Variants in PIK3R5 observed in about 807,000 individuals in gnomAD.
The protein encoded by PIK3R5 is phosphoinositide-3-kinase regulatory subunit 5, also known as phosphoinositide 3-kinase regulatory subunit 5.
Under a neutral mutation model 94.9 loss-of-function variants are expected in PIK3R5, and 32 were observed. That is an observed-to-expected ratio of 0.34 (90% CI 0.25 to 0.45). The LOEUF (loss-of-function observed/expected upper bound fraction) is 0.45, where lower values mean the gene tolerates loss of function less well. Among genes scored for constraint, PIK3R5 ranks in the 20% least tolerant of loss-of-function variants. The pLI is 1.00. For synonymous variants in PIK3R5, 443 were observed against 479.4 expected, an observed-to-expected ratio of 0.92 and a Z score of 0.99; for missense variants, 853 against 1,144.6, an observed-to-expected ratio of 0.75 and a Z score of 3.68.
intron 1 of PIK3R5, among the ~76,000 whole-genome samples, chr17:8,934,469 ATAT>A (rs1216349069): frequency 2.0e-5 from 3 of 152,212 alleles, no homozygotes; most frequent in African/African-American, 7.2e-5. Context: ...CTCAATATTG[ATAT>A]TATGTCAGTT....
chr17:8,908,560 C>CAT (rs2090446599), intron 3 of PIK3R5, among the ~76,000 whole-genome samples: 1 of 151,542 alleles, frequency 6.6e-6, no homozygotes, highest in Non-Finnish European at 1.5e-5. Context: ...CACACACACA[C>CAT]ACACACACAC....
intron 1 of PIK3R5, among the ~76,000 whole-genome samples, chr17:8,952,958 A>G (rs995392797): frequency 6.6e-6 from 1 of 152,196 alleles, no homozygotes; most frequent in Non-Finnish European, 1.5e-5. Flanking sequence ...GCCCCTGGAC[A>G]GGAGCCTTGA....
chr17:8,886,756 C>T lies in PIK3R5; in HGVS notation c.1906-151G>A, dbSNP rs1423216773. ...GTGGAAGCAGGAAGCAGGGGAGGGC[C>T]GGTGCCCAGCCTCCATGCCCCTCAC... On this transcript the variant is annotated intron_variant, in intron 12 of 18. Coordinates refer to ENST00000447110, the MANE Select transcript of PIK3R5 (RefSeq NM_001142633.3). The T allele has an allele frequency of 4.0e-5, 37 of 931,336 alleles. 1 individual carries two copies. The South Asian group carries it at 4.4e-4, about 11-fold the overall frequency. 57.7% of individuals were successfully genotyped at this position (931,336 alleles called of 1,614,324 possible).
chr17:8,919,597 C>T (rs540623678), intron 1 of PIK3R5, among the ~76,000 whole-genome samples: 38 of 152,300 alleles, frequency 2.5e-4, no homozygotes, highest in African/African-American at 9.1e-4. Flanking sequence ...TATTCTGGAA[C>T]ATCTTGATGA....
At chr17:8,908,978 G>T in intron 3 of PIK3R5, 96 bp downstream of exon 3, 1 of 758,968 alleles carries the variant, frequency 1.3e-6, no homozygotes, top group Non-Finnish European at 2.2e-6. Flanking sequence ...CCCCTCTGGA[G>T]GTCCAGGCAC....
intron 5 of PIK3R5, among the ~76,000 whole-genome samples, chr17:8,894,992 G>T (rs954255107): frequency 6.6e-6 from 1 of 152,204 alleles, no homozygotes; most frequent in African/African-American, 2.4e-5. Context: ...GGACCTAATT[G>T]CTTTGATTTT....
rs2089973138 is a variant in PIK3R5 at position 8,889,611 on chromosome 17, T to C, written c.811+362A>G. Among the ~76,000 whole-genome samples the C allele has an allele frequency of 6.6e-6, 1 of 152,174 alleles. No homozygotes were observed. Among genetic ancestry groups the C allele is most frequent in the South Asian group, 2.1e-4 (1 of 4,828 alleles). On this transcript the variant is annotated intron_variant, in intron 8 of 18. Transcript: ENST00000447110. The surrounding 1 kb of genome is among the most constrained non-coding windows in gnomAD (Gnocchi z 4.1). ...TATGGTACTGGAGTCATAGAGACGA[T>C]GTTTCCCAGGCTCCTTTGGGGCAAG...
rs2089664513 is a variant in PIK3R5, at chr17:8,881,646, T to C, written c.2366A>G (p.Lys789Arg). The C allele has an allele frequency of 6.2e-7, 1 of 1,613,066 alleles. No homozygotes were observed. The highest frequency in any genetic ancestry group is 8.5e-7 in the Non-Finnish European group (1 of 1,179,476). ...AGCCCGTACCTGGTTAAAGCCCTTC[T>C]TGGATTTGGAGTTCTGCCTTTTCAC... The part of the protein sequence containing the change: ...EVVKRQNSKS[K>R]KGFNQISTSQ... The change falls in exon 17 of 19, where the codon AAG (lysine) becomes AGG (arginine). Residue 789 changes from lysine (K) to arginine (R), a missense_variant. Transcript: ENST00000447110. This position sits in a 1 kb window ranked among gnomAD's most constrained non-coding sequence, Gnocchi z 4.8.
intron 1 of PIK3R5, among the ~76,000 whole-genome samples, chr17:8,920,328 T>TAC (rs1451950302): frequency 1.3e-5 from 2 of 152,178 alleles, no homozygotes; most frequent in South Asian, 2.1e-4. Context: ...CACACATGCA[T>TAC]ACACACACAC....
intron 1 of PIK3R5, among the ~76,000 whole-genome samples, chr17:8,924,630 A>G (rs2090832941): frequency 6.6e-6 from 1 of 152,140 alleles, no homozygotes. Flanking sequence ...ACAGCAGGTC[A>G]TTGTTCTCAG....
chr17:8,881,015 A>T lies in PIK3R5; in HGVS notation c.2385T>A (p.Ile795=). ...NSKSKKGFNQ[I]STSQIKVDKV... ...TGTCCACTTTGATCTGCGATGTGCTAATCTGGAAGGAAGGCCCAGGTCAGC... is the reference window on the plus strand; with the variant it reads ...TGTCCACTTTGATCTGCGATGTGCTTATCTGGAAGGAAGGCCCAGGTCAGC... Residue 795 remains isoleucine (I), a splice_region_variant and synonymous_variant, in exon 18 of 19, where the codon ATT becomes ATA. Coordinates refer to ENST00000447110, the MANE Select transcript of PIK3R5 (RefSeq NM_001142633.3). The surrounding 1 kb of genome is among the most constrained non-coding windows in gnomAD (Gnocchi z 4.8). 1 of 1,612,490 alleles carries T rather than the reference A, an allele frequency of 6.2e-7. No individual in the cohort carries two copies. Among genetic ancestry groups the T allele is most frequent in the South Asian group, 1.1e-5 (1 of 91,044 alleles).
chr17:8,917,299 C>G (rs1279509304), intron 1 of PIK3R5, among the ~76,000 whole-genome samples: 1 of 152,134 alleles, frequency 6.6e-6, no homozygotes, highest in Admixed American at 6.5e-5. Flanking sequence ...CGATATTTTA[C>G]ATACCCAAAA....
intron 1 of PIK3R5, among the ~76,000 whole-genome samples, chr17:8,947,486 G>T (rs1837644342): frequency 6.6e-6 from 1 of 152,142 alleles, no homozygotes; most frequent in African/African-American, 2.4e-5. Flanking sequence ...CCAAGGGGCT[G>T]GGAATTGTTT....
chr17:8,887,135 T>A lies in PIK3R5; in HGVS notation c.1866A>T (p.Val622=). 1 of 1,614,026 alleles carries A rather than the reference T, an allele frequency of 6.2e-7. No homozygotes were observed. The highest frequency in any genetic ancestry group is 2.2e-5 in the East Asian group (1 of 44,868). The change falls in exon 12 of 19, where the codon GTA becomes GTT. Residue 622 remains valine (V), a synonymous_variant. Coordinates refer to ENST00000447110, the MANE Select transcript of PIK3R5 (RefSeq NM_001142633.3). ...CAGGGGGCAGGTGCATGAGGCCCAGTACATTGCGCTCATACCAGGGGTCCA... is the reference window on the plus strand; with the variant it reads ...CAGGGGGCAGGTGCATGAGGCCCAGAACATTGCGCTCATACCAGGGGTCCA... ...GMLDPWYERN[V]LGLMHLPPEV...
intron 1 of PIK3R5, among the ~76,000 whole-genome samples, chr17:8,964,548 A>G (rs1304276242): frequency 6.6e-6 from 1 of 152,122 alleles, no homozygotes; most frequent in African/African-American, 2.4e-5. Context: ...CACATCATGC[A>G]TGGTTCCCAA....
At position 8,947,379 on chromosome 17, in the gene PIK3R5, G is replaced by A. The variant is rs141993090; in HGVS notation, c.-14+18217C>T. 3.0e-4 allele frequency among the ~76,000 whole-genome samples: 46 copies of A among 152,348 alleles called. No individual in the cohort carries two copies. The Middle Eastern group carries it at 0.01, about 34-fold the overall frequency. ...TGTGAAATAGCAGTGAGAGGAAAATGGGGAGAAAAGGACCCATGACTGGGG... is the reference window on the plus strand; with the variant it reads ...TGTGAAATAGCAGTGAGAGGAAAATAGGGAGAAAAGGACCCATGACTGGGG... On this transcript the variant is annotated intron_variant, in intron 1 of 18. Transcript: ENST00000447110.
intron 1 of PIK3R5, among the ~76,000 whole-genome samples, chr17:8,926,753 G>A (rs747213254): frequency 3.3e-5 from 5 of 152,056 alleles, no homozygotes; most frequent in Admixed American, 3.3e-4. Context: ...GTGGGGACAC[G>A]GAGCCAAACC....
chr17:8,929,924 A>C (rs867911553), intron 1 of PIK3R5, among the ~76,000 whole-genome samples: 9 of 152,336 alleles, frequency 5.9e-5, no homozygotes, highest in African/African-American at 2.2e-4. Context: ...CAATTCATTC[A>C]TGTAACCAAA....
chr17:8,912,713 G>A (rs61759565), intron 1 of PIK3R5, among the ~76,000 whole-genome samples: 6,992 of 152,330 alleles, frequency 0.046, 182 homozygotes, highest in Non-Finnish European at 0.063. Context: ...GAGCCATGCA[G>A]ATGACATACA....
Sources: gnomAD v4.1 joint callset for allele counts (sites outside exome capture counted in the v4.1 genomes callset) on GRCh38, gnomAD v4.1.1 for gene constraint, Gnocchi (gnomAD v3.1) non-coding constraint, MANE v1.5 for transcripts, NCBI Gene and HGNC (gene_info 2026-07-23, HGNC 2026-07-21) for gene names.